CACNA2D3: variants seen among roughly 807,000 people sequenced by gnomAD.
CACNA2D3 encodes voltage-dependent calcium channel subunit alpha-2/delta-3.
CACNA2D3 carries 60 observed loss-of-function variants against 160.6 expected under a neutral mutation model. The observed-to-expected ratio is 0.37, with a 90% confidence interval of 0.30 to 0.46. CACNA2D3 has a LOEUF of 0.46. Ranked by LOEUF, CACNA2D3 falls within the 20% of genes least tolerant of loss-of-function variation. The pLI is 1.00. For synonymous variants in CACNA2D3, 558 were observed against 492.9 expected, an observed-to-expected ratio of 1.13 and a Z score of -1.75; for missense variants, 1,205 against 1,365.0, an observed-to-expected ratio of 0.88 and a Z score of 1.85.
At chr3:54,526,377 G>A (rs950131447) in intron 5 of CACNA2D3, among the ~76,000 whole-genome samples, 2 of 152,024 alleles carry the variant, frequency 1.3e-5, no homozygotes, top group Non-Finnish European at 2.9e-5. Flanking sequence ...TTGTGTATGT[G>A]TCATATTTTC....
chr3:54,530,565 G>A (rs1701790836), intron 5 of CACNA2D3, among the ~76,000 whole-genome samples: 1 of 152,126 alleles, frequency 6.6e-6, no homozygotes, highest in Non-Finnish European at 1.5e-5. Flanking sequence ...AGGAAAATTG[G>A]ACTCAACTAA....
chr3:54,675,277 G>T (rs987219819), intron 11 of CACNA2D3, among the ~76,000 whole-genome samples: 4 of 152,154 alleles, frequency 2.6e-5, no homozygotes, highest in African/African-American at 9.7e-5. Flanking sequence ...GCATGAAGGT[G>T]AAGATGAAGT....
intron 2 of CACNA2D3, among the ~76,000 whole-genome samples, chr3:54,191,474 G>A (rs1265201257): frequency 6.6e-6 from 1 of 151,936 alleles, no homozygotes; most frequent in Admixed American, 6.6e-5. Context: ...CGCATGCTGA[G>A]CAGTCCAAAC....
chr3:54,128,742 T>C (rs1559855718), intron 2 of CACNA2D3, among the ~76,000 whole-genome samples: 1 of 152,162 alleles, frequency 6.6e-6, no homozygotes, highest in East Asian at 1.9e-4. Flanking sequence ...ACACAGGCAA[T>C]GTTAGCAGAT....
At position 54,404,731 on chromosome 3, in the gene CACNA2D3, C is replaced by T. The variant is rs1458358110; in HGVS notation, c.381+17957C>T. On this transcript the variant is annotated intron_variant, in intron 4 of 37. Coordinates refer to ENST00000474759, the MANE Select transcript of CACNA2D3 (RefSeq NM_018398.3). ...TGACATGATCCTTTATGTAGAAAAC[C>T]CCAAAGACTCCACCAAAAAGCTGTT... Among the ~76,000 whole-genome samples, 4 of 151,862 alleles carry T rather than the reference C, an allele frequency of 2.6e-5. No homozygotes were observed. In the East Asian group the frequency reaches 7.7e-4, roughly 29 times the overall value.
At position 54,781,458 on chromosome 3, in the gene CACNA2D3, T is replaced by G. The variant is rs562027683; in HGVS notation, c.1380+17107T>G. Among the ~76,000 whole-genome samples the G allele has an allele frequency of 7.9e-5, 12 of 152,190 alleles. No homozygotes were observed. The South Asian group carries it at 2.3e-3, about 29-fold the overall frequency. ...TGTAGCTGGTCAGTAAACAGGAGAG[T>G]CTACTCTTTGGCCATCAGTGTTCTA... On this transcript the variant is annotated intron_variant, in intron 13 of 37. Transcript: ENST00000474759.
At chr3:54,586,582 A>T (rs1202277282) in intron 9 of CACNA2D3, among the ~76,000 whole-genome samples, 3 of 152,206 alleles carry the variant, frequency 2.0e-5, no homozygotes, top group African/African-American at 7.2e-5. Context: ...TATAGTTGGG[A>T]CTTGTACATT....
chr3:54,493,491 A>AC (rs1197518344), intron 4 of CACNA2D3, among the ~76,000 whole-genome samples: 1 of 151,840 alleles, frequency 6.6e-6, no homozygotes, highest in Admixed American at 6.6e-5. Context: ...CCTGGCCCCC[A>AC]CCTGTTTTTG....
At chr3:54,433,843 C>A (rs1700023718) in intron 4 of CACNA2D3, among the ~76,000 whole-genome samples, 1 of 152,154 alleles carries the variant, frequency 6.6e-6, no homozygotes, top group African/African-American at 2.4e-5. Context: ...AGCATAAAAT[C>A]TTTTGGGTGA....
At chr3:54,355,777 A>G (rs1375076591) in intron 3 of CACNA2D3, among the ~76,000 whole-genome samples, 3 of 152,202 alleles carry the variant, frequency 2.0e-5, no homozygotes, top group Non-Finnish European at 4.4e-5. Context: ...ATATTAAGTC[A>G]TGTGTCTAGG....
intron 4 of CACNA2D3, among the ~76,000 whole-genome samples, chr3:54,502,119 G>A (rs1374843037): frequency 3.3e-5 from 5 of 152,050 alleles, no homozygotes; most frequent in Admixed American, 1.3e-4. Context: ...GTAAATCTTC[G>A]TAATATTCAT....
intron 3 of CACNA2D3, among the ~76,000 whole-genome samples, chr3:54,386,340 C>G (rs372111428): frequency 6.6e-5 from 10 of 152,156 alleles, no homozygotes; most frequent in African/African-American, 2.2e-4. Context: ...AAGTTGGACT[C>G]AATTCAAGGC....
intron 11 of CACNA2D3, among the ~76,000 whole-genome samples, chr3:54,701,380 A>G (rs1027103017): frequency 6.6e-6 from 1 of 152,234 alleles, no homozygotes; most frequent in East Asian, 1.9e-4. Context: ...AATTTCAAGG[A>G]GTCTACTGAG....
Position 54,122,767 on chromosome 3 carries a change from C to G in CACNA2D3, c.54C>G (p.Leu18=). The G allele has an allele frequency of 8.2e-6, 10 of 1,226,474 alleles. No homozygotes were observed. Among genetic ancestry groups the G allele is most frequent in the Non-Finnish European group, 1.0e-5 (10 of 981,082 alleles). 76.0% of individuals were successfully genotyped at this position (1,226,474 alleles called of 1,614,324 possible). The change falls in exon 1 of 38, where the codon CTC becomes CTG. Residue 18 remains leucine, a synonymous_variant. Coordinates refer to ENST00000474759, the MANE Select transcript of CACNA2D3 (RefSeq NM_018398.3). ...RRASRGASAL[L]AAALLYAALG... ...CGTCCCGGGGGGCCTCGGCGCTTCTCGCTGCCGCGCTTCTCTACGCCGCGC... is the reference window on the plus strand; with the variant it reads ...CGTCCCGGGGGGCCTCGGCGCTTCTGGCTGCCGCGCTTCTCTACGCCGCGC...
chr3:54,587,669 A>G (rs1402191511), intron 9 of CACNA2D3, among the ~76,000 whole-genome samples: 1 of 152,240 alleles, frequency 6.6e-6, no homozygotes, highest in Non-Finnish European at 1.5e-5. Context: ...AAAGGATAAT[A>G]AAATACTATT....
intron 4 of CACNA2D3, among the ~76,000 whole-genome samples, chr3:54,416,912 G>C (rs1442292472): frequency 6.6e-6 from 1 of 152,130 alleles, no homozygotes; most frequent in African/African-American, 2.4e-5. Flanking sequence ...ACAAAAAATT[G>C]GAAGGGAAAC....
chr3:55,007,128 A>G (rs530686995), intron 32 of CACNA2D3, among the ~76,000 whole-genome samples: 10 of 152,374 alleles, frequency 6.6e-5, no homozygotes, highest in African/African-American at 2.4e-4. Flanking sequence ...AATATCACAG[A>G]GTAAACAATC....
intron 3 of CACNA2D3, among the ~76,000 whole-genome samples, chr3:54,380,313 T>G (rs1699078752): frequency 6.6e-6 from 1 of 152,194 alleles, no homozygotes; most frequent in East Asian, 1.9e-4. Context: ...AGGACTTAGA[T>G]CTCCTCTGTC....
intron 17 of CACNA2D3, among the ~76,000 whole-genome samples, chr3:54,850,350 CTCTTGA>C (rs1262937261): frequency 1.3e-5 from 2 of 152,210 alleles, no homozygotes; most frequent in African/African-American, 4.8e-5. Flanking sequence ...TGATTAAATG[CTCTTGA>C]TCTTGAGAAA....
Sources: allele counts gnomAD v4.1 joint callset (sites outside exome capture counted in the v4.1 genomes callset), GRCh38; gene constraint gnomAD v4.1.1; transcripts MANE v1.5; gene names NCBI Gene and HGNC (gene_info 2026-07-23, HGNC 2026-07-21).